The following DNAH2 variants were observed in gnomAD, a reference collection of about 807,000 sequenced individuals.
DNAH2 encodes axonemal beta dynein heavy chain 2.
DNAH2 carries 323 observed loss-of-function variants against 523.5 expected under a neutral mutation model. The ratio of observed to expected loss-of-function variants is 0.62; its 90% confidence interval spans 0.56 to 0.68. The LOEUF (loss-of-function observed/expected upper bound fraction) is 0.68. Ranked by LOEUF, DNAH2 falls within the 30% of genes least tolerant of loss-of-function variation. The pLI is 0.00. For synonymous variants in DNAH2, 2,093 were observed against 2,177.4 expected, an observed-to-expected ratio of 0.96 and a Z score of 1.08; for missense variants, 4,907 against 5,701.5, an observed-to-expected ratio of 0.86 and a Z score of 4.49.
chr17:7,738,303 G>A (rs569438983), intron 8 of DNAH2, among the ~76,000 whole-genome samples: 49 of 151,890 alleles, frequency 3.2e-4, no homozygotes, highest in Non-Finnish European at 6.2e-4. Flanking sequence ...TCATTGCCCT[G>A]GCTTCTCCTT....
At position 7,759,050 on chromosome 17, in the gene DNAH2, T is replaced by C; in HGVS notation, c.2374T>C (p.Leu792=). 6.2e-7 allele frequency: 1 copy of C among 1,614,100 alleles called. No homozygotes were observed. Among genetic ancestry groups the C allele is most frequent in the Non-Finnish European group, 8.5e-7 (1 of 1,180,012 alleles). The change falls in exon 15 of 86, where the codon TTG becomes CTG. Residue 792 remains leucine, a synonymous_variant. Transcript: ENST00000572933. The stretch of plus-strand genomic sequence containing the variant: ...GCATCGGGCAGCTGTACAGCAGAAA[T>C]TGATGAACCTGCACCAGGATGTGGT... ...REHRAAVQQK[L]MNLHQDVVTI...
chr17:7,737,888 A>C (rs753948004), intron 8 of DNAH2: 1 of 683,888 alleles, frequency 1.5e-6, no homozygotes, highest in Non-Finnish European at 2.7e-6. Context: ...GACATGAAGC[A>C]CGGGCAGGGG....
chr17:7,786,261 CA>C lies in DNAH2; in HGVS notation c.6269del (p.Lys2090ArgfsTer31). On this transcript the variant is annotated frameshift_variant, in exon 40 of 86. Coordinates refer to ENST00000572933, the MANE Select transcript of DNAH2 (RefSeq NM_020877.5). LOFTEE classifies it high-confidence loss of function. This position sits in a 1 kb window ranked among gnomAD's most constrained non-coding sequence, Gnocchi z 7.5. ...TGATCGTGGGCTGCACGGGCAGCGG[CA>C]AGACTGCCTCATGGCGCATTCTACA... ...TMIVGCTGSG[K>X]TASWRILQAS... 1 of 1,614,074 alleles carries C rather than the reference CA, an allele frequency of 6.2e-7. No homozygotes were observed. The highest frequency in any genetic ancestry group is 8.5e-7 in the Non-Finnish European group (1 of 1,180,024).
At chr17:7,813,254 G>A (rs986563478) in intron 63 of DNAH2, among the ~76,000 whole-genome samples, 1 of 145,282 alleles carries the variant, frequency 6.9e-6, no homozygotes, top group Non-Finnish European at 1.5e-5. Flanking sequence ...TCTTTTGTAG[G>A]TTTTTTTTTT....
At chr17:7,745,161 A>G (rs1321272915) in intron 12 of DNAH2, among the ~76,000 whole-genome samples, 2 of 152,018 alleles carry the variant, frequency 1.3e-5, no homozygotes, top group Non-Finnish European at 2.9e-5. Flanking sequence ...CGCCCGGCTA[A>G]TTTTTGTGTT....
intron 53 of DNAH2, 122 bp downstream of exon 53, chr17:7,797,951 C>G (rs2077112618): frequency 7.0e-7 from 1 of 1,434,694 alleles, no homozygotes; most frequent in Non-Finnish European, 9.4e-7. Flanking sequence ...TCTCCCTGGC[C>G]CCAGATGCCC....
In DNAH2 at chr17:7,734,527, T is replaced by C; in HGVS notation, c.797T>C (p.Val266Ala). The change falls in exon 7 of 86, where the codon GTG becomes GCG. Residue 266 changes from valine to alanine, a missense_variant. Val to Ala is a moderately conservative substitution (Grantham distance 64). This residue lies in a region of DNAH2 where 2,806 missense variants were observed against 3,190.8 expected (regional missense o/e 0.88). Coordinates refer to ENST00000572933, the MANE Select transcript of DNAH2 (RefSeq NM_020877.5). Reference protein sequence around the residue: ...IKEMLSAQETVETGENLGPLE... With the variant: ...IKEMLSAQETAETGENLGPLE... ...GAGATGCTCAGTGCCCAGGAGACTGTGGAGACAGGAGAAAATTTAGGTCCT... is the reference window on the plus strand; with the variant it reads ...GAGATGCTCAGTGCCCAGGAGACTGCGGAGACAGGAGAAAATTTAGGTCCT... 6.2e-7 allele frequency: 1 copy of C among 1,613,738 alleles called. No homozygotes were observed. Among genetic ancestry groups the C allele is most frequent in the Non-Finnish European group, 8.5e-7 (1 of 1,179,970 alleles).
At chr17:7,788,784 C>T (rs2076816469) in intron 44 of DNAH2, among the ~76,000 whole-genome samples, 1 of 152,118 alleles carries the variant, frequency 6.6e-6, no homozygotes, top group Non-Finnish European at 1.5e-5. Flanking sequence ...AAAGATGTTG[C>T]TAGGTAATTA....
chr17:7,719,036 C>A (rs972101665), intron 1 of DNAH2, among the ~76,000 whole-genome samples: 1 of 151,816 alleles, frequency 6.6e-6, no homozygotes, highest in Non-Finnish European at 1.5e-5. Context: ...CACACTTCAG[C>A]TTGATAGATC....
chr17:7,769,439 G>C (rs2076257699), intron 24 of DNAH2, among the ~76,000 whole-genome samples: 1 of 152,224 alleles, frequency 6.6e-6, no homozygotes, highest in African/African-American at 2.4e-5. Context: ...TGGGATTACA[G>C]GCATGAGCCA....
chr17:7,730,394 T>A (rs1398193938), intron 4 of DNAH2, among the ~76,000 whole-genome samples: 1 of 152,136 alleles, frequency 6.6e-6, no homozygotes, highest in Non-Finnish European at 1.5e-5. Context: ...ACATAGATGA[T>A]CTTGTATAGA....
chr17:7,726,026 G>A (rs1314640804), intron 3 of DNAH2, among the ~76,000 whole-genome samples: 1 of 152,014 alleles, frequency 6.6e-6, no homozygotes, highest in Non-Finnish European at 1.5e-5. Context: ...TTATTTTTGA[G>A]ACGGAGTCTT....
intron 53 of DNAH2, 30 bp downstream of exon 53, chr17:7,797,859 C>G (rs2077110142): frequency 1.3e-6 from 2 of 1,586,500 alleles, no homozygotes; most frequent in South Asian, 2.3e-5. Flanking sequence ...ATCCCCTTCC[C>G]CATCATCTCA....
At position 7,788,083 on chromosome 17, in the gene DNAH2, C is replaced by A. The variant is rs1320917443; in HGVS notation, c.6742-3C>A. On this transcript the variant is annotated splice_polypyrimidine_tract_variant and splice_region_variant and intron_variant, in intron 43 of 85. Coordinates refer to ENST00000572933, the MANE Select transcript of DNAH2 (RefSeq NM_020877.5). ...TGAAGAGCCCCTTCTTATTCAACTC[C>A]AGGCTGAGGTGGAGCCCCTTCAACG... 1 of 1,614,046 alleles carries A rather than the reference C, an allele frequency of 6.2e-7. No individual in the cohort carries two copies. The highest frequency in any genetic ancestry group is 1.6e-4 in the Middle Eastern group (1 of 6,062).
chr17:7,729,524 G>A (rs2074925744), intron 4 of DNAH2, among the ~76,000 whole-genome samples: 1 of 152,128 alleles, frequency 6.6e-6, no homozygotes, highest in African/African-American at 2.4e-5. Flanking sequence ...TCTGCCTTCT[G>A]GGTTCAAGCG....
Position 7,778,391 on chromosome 17 carries a change from CAT to C in DNAH2, c.5468_5469del (p.Tyr1823CysfsTer8). The C allele has an allele frequency of 6.2e-7, 1 of 1,614,224 alleles. No homozygotes were observed. The highest frequency in any genetic ancestry group is 8.5e-7 in the Non-Finnish European group (1 of 1,180,034). ...TCAAGGACCTGGGCAAGGCCCTGGG[CAT>C]ATATGTCATTGTGGTCAACTGCTCT... Reference protein sequence around the residue: ...TVKDLGKALGIYVIVVNCSEG... With the variant: ...TVKDLGKALGXYVIVVNCSEG... On this transcript the variant is annotated frameshift_variant, in exon 35 of 86. Coordinates refer to ENST00000572933, the MANE Select transcript of DNAH2 (RefSeq NM_020877.5). LOFTEE classifies it high-confidence loss of function.
chr17:7,801,225 C>A (rs549252160), intron 56 of DNAH2, among the ~76,000 whole-genome samples: 1 of 152,058 alleles, frequency 6.6e-6, no homozygotes, highest in Non-Finnish European at 1.5e-5. Context: ...CATAGCCAGG[C>A]GCTACGCTGA....
Position 7,832,620 on chromosome 17 carries a change from C to G in DNAH2, c.12768C>G (p.Asp4256Glu). 1 of 1,614,180 alleles carries G rather than the reference C, an allele frequency of 6.2e-7. No individual in the cohort carries two copies. The highest frequency in any genetic ancestry group is 2.2e-5 in the East Asian group (1 of 44,882). ...SQKPLAAWTR[D>E]LAMRVEQFEL... The stretch of plus-strand genomic sequence containing the variant: ...AGCCATTGGCTGCCTGGACCCGGGA[C>G]TTGGCCATGCGTGTGGAGCAGTTTG... The change falls in exon 83 of 86, where the codon GAC (aspartate) becomes GAG (glutamate). Residue 4256 changes from aspartate to glutamate, a missense_variant. Around this residue, in one of 3 missense-constraint regions of DNAH2, gnomAD observed 1,851 missense variants for 2,139.4 expected, o/e 0.87. Coordinates refer to ENST00000572933, the MANE Select transcript of DNAH2 (RefSeq NM_020877.5). This position sits in a 1 kb window ranked among gnomAD's most constrained non-coding sequence, Gnocchi z 4.3.
chr17:7,819,810 G>C (rs1338473055), intron 72 of DNAH2, among the ~76,000 whole-genome samples: 1 of 152,140 alleles, frequency 6.6e-6, no homozygotes, highest in Non-Finnish European at 1.5e-5. Context: ...TGAGCAGCAA[G>C]GAACTGGACT....
Sources: gnomAD v4.1 joint callset for allele counts (sites outside exome capture counted in the v4.1 genomes callset) on GRCh38, gnomAD v4.1.1 for gene constraint, gnomAD v4.1.1 regional missense constraint, Gnocchi (gnomAD v3.1) non-coding constraint, MANE v1.5 for transcripts, NCBI Gene and HGNC (gene_info 2026-07-23, HGNC 2026-07-21) for gene names.